The following ZNF143 variants were observed in gnomAD, a reference collection of about 807,000 sequenced individuals.
The protein encoded by ZNF143 is zinc finger protein 143, also known as SPH-binding factor.
A neutral mutation model predicts 74.1 loss-of-function variants in ZNF143; 49 were observed. The observed-to-expected ratio is 0.66, with a 90% CI of 0.53 to 0.84. ZNF143 has a LOEUF of 0.84. Among genes scored for constraint, ZNF143 ranks in the 40% least tolerant of loss-of-function variants. The pLI, the probability that ZNF143 is intolerant of heterozygous loss-of-function variation, is 0.00. For missense variants in ZNF143, 637 were observed against 793.4 expected (o/e 0.80, Z 2.37); for synonymous variants, 304 against 282.8 (o/e 1.07, Z -0.75).
chr11:9,522,029 A>G (rs1345710359), intron 14 of ZNF143, among the ~76,000 whole-genome samples: 1 of 150,670 alleles, frequency 6.6e-6, no homozygotes, highest in Non-Finnish European at 1.5e-5. Flanking sequence ...TAGCACAGCT[A>G]CACTACAGCC....
intron 1 of ZNF143, among the ~76,000 whole-genome samples, chr11:9,467,083 G>A (rs1365591773): frequency 6.6e-6 from 1 of 151,646 alleles, no homozygotes. Flanking sequence ...TAGTAGAGAC[G>A]GGGTTTCACC....
At chr11:9,465,746 G>C (rs1590485906) in intron 1 of ZNF143, among the ~76,000 whole-genome samples, 2 of 151,374 alleles carry the variant, frequency 1.3e-5, no homozygotes, top group South Asian at 4.2e-4. Context: ...GCCTCCCAAA[G>C]GACTTATTAT....
At chr11:9,514,588 T>C (rs1467410401) in intron 13 of ZNF143, among the ~76,000 whole-genome samples, 1 of 152,236 alleles carries the variant, frequency 6.6e-6, no homozygotes, top group Admixed American at 6.5e-5. Flanking sequence ...AGTAAATTTT[T>C]CTTCCTAAAG....
intron 7 of ZNF143, among the ~76,000 whole-genome samples, chr11:9,487,864 T>C (rs779596034): frequency 3.0e-4 from 45 of 152,192 alleles, no homozygotes; most frequent in Non-Finnish European, 5.6e-4. Flanking sequence ...CTGAAATACC[T>C]GTTATAGTTT....
intron 7 of ZNF143, among the ~76,000 whole-genome samples, chr11:9,485,091 C>G (rs1440952773): frequency 6.6e-6 from 1 of 150,742 alleles, no homozygotes; most frequent in African/African-American, 2.5e-5. Flanking sequence ...CCCACCGCGC[C>G]CGGCCGCCAA....
chr11:9,479,751 G>A lies in ZNF143; in HGVS notation c.645+205G>A, dbSNP rs554913074. On this transcript the variant is annotated intron_variant, in intron 7 of 15. Transcript: ENST00000396602. ...GGATGCAAAATGATGCTAAAGAAAT[G>A]GAAGTATCACAGAAATCCAGGTGAA... Among the ~76,000 whole-genome samples, 6 of 152,266 alleles carry A rather than the reference G, an allele frequency of 3.9e-5. No homozygotes were observed. The South Asian group carries it at 1.2e-3, about 32-fold the overall frequency.
Position 9,527,789 on chromosome 11 carries a change from G to C in ZNF143, c.*176G>C. 1.7e-6 allele frequency: 1 copy of C among 577,234 alleles called. No homozygotes were observed. The highest frequency in any genetic ancestry group is 3.1e-6 in the Non-Finnish European group (1 of 326,490). The allele number at this position is 577,234 out of a possible 1,614,324, so 35.8% of individuals were successfully genotyped here. A position where few individuals can be genotyped will look rare whatever the true frequency, so the allele number is the denominator to read the frequency against. On this transcript the variant is annotated 3_prime_UTR_variant, in exon 16 of 16. Coordinates refer to ENST00000396602, the MANE Select transcript of ZNF143 (RefSeq NM_003442.6). Reference sequence around the variant, plus strand: ...GACACTTTTGTGTATATAACCCTTGGAATAGATTCTCAGAGTGATTCATTG... The same window carrying C: ...GACACTTTTGTGTATATAACCCTTGCAATAGATTCTCAGAGTGATTCATTG...
rs1847356455 is a variant in ZNF143, at chr11:9,484,008, A to T, written c.645+4462A>T. ...CGTGATCCGCCCGCCTCAGCCTCCC[A>T]AAGTGCTGGGATTACAGGCGTGAGC... On this transcript the variant is annotated intron_variant, in intron 7 of 15. Transcript: ENST00000396602. Among the ~76,000 whole-genome samples, 3 of 151,400 alleles carry T rather than the reference A, an allele frequency of 2.0e-5. No homozygotes were observed. In the South Asian group the frequency reaches 6.2e-4, roughly 31 times the overall value.
In ZNF143 at chr11:9,516,283, C is replaced by T. The variant is rs1226724954; in HGVS notation, c.1607C>T (p.Pro536Leu). The change falls in exon 14 of 16, where the codon CCC becomes CTC. Residue 536 changes from proline to leucine, a missense_variant. Coordinates refer to ENST00000396602, the MANE Select transcript of ZNF143 (RefSeq NM_003442.6). The stretch of plus-strand genomic sequence containing the variant: ...CAGGATGGCACGCCCATCACAGTCC[C>T]CGCCCATGATGCAGTCATCTCCTCA... ...VTQDGTPITV[P>L]AHDAVISSAG... 6.2e-7 allele frequency: 1 copy of T among 1,614,102 alleles called. No homozygotes were observed. Among genetic ancestry groups the T allele is most frequent in the Non-Finnish European group, 8.5e-7 (1 of 1,179,968 alleles).
Position 9,525,239 on chromosome 11 carries a change from G to A in ZNF143, c.1687-1G>A. The A allele has an allele frequency of 6.2e-7, 1 of 1,614,094 alleles. No individual in the cohort carries two copies. On this transcript the variant is annotated splice_acceptor_variant, in intron 14 of 15. Transcript: ENST00000396602. LOFTEE classifies it high-confidence loss of function. ...GTATGGTTTGTTTTGTTTTGCTTAA[G>A]GTTGCAATTGTAGCTCAAGACTTGG...
intron 5 of ZNF143, among the ~76,000 whole-genome samples, chr11:9,476,233 G>A (rs1185367717): frequency 6.6e-6 from 1 of 151,726 alleles, no homozygotes; most frequent in African/African-American, 2.4e-5. Context: ...GATTATAGTA[G>A]GTGTCCATAT....
chr11:9,486,418 T>A (rs1429152647), intron 7 of ZNF143, among the ~76,000 whole-genome samples: 1 of 36,584 alleles, frequency 2.7e-5, no homozygotes, highest in South Asian at 6.1e-4. Context: ...ATATAATATA[T>A]ATTATATATA....
chr11:9,525,525 A>G, intron 15 of ZNF143, 139 bp downstream of exon 15: 1 of 1,168,060 alleles, frequency 8.6e-7, no homozygotes, highest in Non-Finnish European at 1.3e-6. Context: ...CTTTAAGGAA[A>G]TCGGTGTATT....
At chr11:9,509,915 A>ACAG (rs1003996363) in intron 12 of ZNF143, among the ~76,000 whole-genome samples, 2 of 152,220 alleles carry the variant, frequency 1.3e-5, no homozygotes, top group Non-Finnish European at 2.9e-5. Flanking sequence ...GCATGTGACT[A>ACAG]CAGTTAATAA....
At chr11:9,477,171 C>CT (rs1454315639) in intron 5 of ZNF143, among the ~76,000 whole-genome samples, 3 of 132,752 alleles carry the variant, frequency 2.3e-5, no homozygotes, top group Non-Finnish European at 3.2e-5. Context: ...TCCTTCCTTC[C>CT]TCCTCTCCCT....
chr11:9,464,061 A>G (rs1482642514), intron 1 of ZNF143, among the ~76,000 whole-genome samples: 4 of 148,706 alleles, frequency 2.7e-5, no homozygotes, highest in Non-Finnish European at 6.0e-5. Flanking sequence ...TACATGTTTC[A>G]TTTAGGGATG....
At chr11:9,489,194 A>T (rs1029206720) in intron 7 of ZNF143, among the ~76,000 whole-genome samples, 2 of 152,160 alleles carry the variant, frequency 1.3e-5, no homozygotes, top group Non-Finnish European at 2.9e-5. Context: ...GAATGCCTTT[A>T]AGAGAGGTCT....
At chr11:9,486,439 A>ATAATT (rs1343381933) in intron 7 of ZNF143, among the ~76,000 whole-genome samples, 10 of 23,130 alleles carry the variant, frequency 4.3e-4, no homozygotes, top group Admixed American at 1.8e-3. Context: ...TTATATATAT[A>ATAATT]ATATATTATA....
At chr11:9,499,036 T>C (rs1848065244) in intron 10 of ZNF143, among the ~76,000 whole-genome samples, 2 of 152,214 alleles carry the variant, frequency 1.3e-5, no homozygotes, top group African/African-American at 4.8e-5. Flanking sequence ...TAAAACCAAC[T>C]TGTTATATAA....
Sources: allele counts gnomAD v4.1 joint callset (sites outside exome capture counted in the v4.1 genomes callset), GRCh38; gene constraint gnomAD v4.1.1; transcripts MANE v1.5; gene names NCBI Gene and HGNC (gene_info 2026-07-23, HGNC 2026-07-21).